UNC79: variants seen among roughly 807,000 people sequenced by gnomAD.
The protein encoded by UNC79 is unc-79 subunit of NALCN channel complex, also known as protein unc-79 homolog.
UNC79 carries 37 observed loss-of-function variants against 283.1 expected under a neutral mutation model. The observed-to-expected ratio is 0.13, with a 90% CI of 0.10 to 0.17. The LOEUF (loss-of-function observed/expected upper bound fraction) is 0.17, where lower values mean the gene tolerates loss of function less well. UNC79 is among the 10% of genes least tolerant of loss of function. The pLI is 1.00. For missense variants in UNC79, 2,272 were observed against 3,211.1 expected (o/e 0.71, Z 7.07); for synonymous variants, 1,107 against 1,200.2 (o/e 0.92, Z 1.61).
intron 1 of UNC79, among the ~76,000 whole-genome samples, chr14:93,443,886 G>C (rs2056387439): frequency 6.6e-6 from 1 of 152,154 alleles, no homozygotes; most frequent in Admixed American, 6.5e-5. Flanking sequence ...GTTGTTTTCA[G>C]TTTTGGGCCA....
chr14:93,365,446 T>C (rs2054310083), intron 1 of UNC79, among the ~76,000 whole-genome samples: 2 of 136,158 alleles, frequency 1.5e-5, no homozygotes, highest in Non-Finnish European at 3.2e-5. Flanking sequence ...TTGAGGAAAA[T>C]CAATACCATA....
chr14:93,660,533 A>ATG (rs1411859716), intron 39 of UNC79, among the ~76,000 whole-genome samples: 35 of 85,934 alleles, frequency 4.1e-4, no homozygotes, highest in Non-Finnish European at 6.2e-4. Flanking sequence ...ATATATATAT[A>ATG]TATATATATA....
chr14:93,525,041 G>A (rs1402467812), intron 8 of UNC79, among the ~76,000 whole-genome samples: 2 of 152,182 alleles, frequency 1.3e-5, no homozygotes, highest in African/African-American at 4.8e-5. Flanking sequence ...GCAGAGGAGT[G>A]CCGGTAATAA....
intron 18 of UNC79, 124 bp from the exon 19 acceptor site, chr14:93,580,025 G>C (rs2063697967): frequency 2.5e-6 from 2 of 795,592 alleles, no homozygotes; most frequent in Non-Finnish European, 2.0e-6. Flanking sequence ...CAATATTTCT[G>C]TCAGTTAGTG....
At chr14:93,702,519 G>T (rs551332472) in intron 47 of UNC79, among the ~76,000 whole-genome samples, 1 of 152,158 alleles carries the variant, frequency 6.6e-6, no homozygotes, top group South Asian at 2.1e-4. Flanking sequence ...ATTTAGCCTT[G>T]GGAACAAAAA....
At chr14:93,416,799 C>T (rs975578368) in intron 1 of UNC79, among the ~76,000 whole-genome samples, 1 of 152,082 alleles carries the variant, frequency 6.6e-6, no homozygotes, top group African/African-American at 2.4e-5. Context: ...CTCTTTTGAT[C>T]TTTGTTGGTT....
intron 1 of UNC79, among the ~76,000 whole-genome samples, chr14:93,466,372 G>A (rs779095139): frequency 2.0e-5 from 3 of 152,240 alleles, no homozygotes; most frequent in South Asian, 4.1e-4. Context: ...TCACGTTCAC[G>A]TGGACATAAT....
Position 93,688,879 on chromosome 14 carries a change from G to T in UNC79, c.7085+39G>T, listed in dbSNP as rs1158122287. On this transcript the variant is annotated intron_variant, in intron 44 of 48. Coordinates refer to ENST00000555664, the Ensembl canonical transcript of UNC79. The surrounding 1 kb of genome is among the most constrained non-coding windows in gnomAD (Gnocchi z 4.0). The stretch of plus-strand genomic sequence containing the variant: ...TATTCCGGGAATGAGGGTAAAGAAG[G>T]CAGGAGACACCCCTGAGTTTCCTCG... 7 of 1,596,908 alleles carry T rather than the reference G, an allele frequency of 4.4e-6. No homozygotes were observed. Among genetic ancestry groups the T allele is most frequent in the Non-Finnish European group, 6.0e-6 (7 of 1,170,340 alleles).
intron 47 of UNC79, among the ~76,000 whole-genome samples, chr14:93,696,487 G>A (rs1383794033): frequency 6.6e-6 from 1 of 152,200 alleles, no homozygotes; most frequent in African/African-American, 2.4e-5. Context: ...ACTTGGCATA[G>A]TCAATCTTTA....
intron 30 of UNC79, among the ~76,000 whole-genome samples, chr14:93,624,330 C>T (rs2067379442): frequency 6.6e-6 from 1 of 152,152 alleles, no homozygotes; most frequent in Non-Finnish European, 1.5e-5. Flanking sequence ...GGTCCTTGTT[C>T]ATAACAAGAA....
At chr14:93,634,430 A>G in intron 31 of UNC79, 91 bp from the exon 34 acceptor site, 1 of 920,796 alleles carries the variant, frequency 1.1e-6, no homozygotes, top group Non-Finnish European at 1.7e-6. Flanking sequence ...TAGCAAATGA[A>G]GGGTCAATTA....
intron 38 of UNC79, among the ~76,000 whole-genome samples, chr14:93,655,644 G>GAA (rs59172906): frequency 1.3e-3 from 110 of 81,704 alleles, no homozygotes; most frequent in African/African-American, 2.4e-3. Context: ...CAGTTGATTT[G>GAA]AAAAAAAAAA....
chr14:93,656,744 G>A (rs1000601155), intron 38 of UNC79, among the ~76,000 whole-genome samples: 1 of 152,178 alleles, frequency 6.6e-6, no homozygotes, highest in Non-Finnish European at 1.5e-5. Flanking sequence ...AGGCTGAGGT[G>A]GGAAGATTGC....
chr14:93,430,934 G>C lies in UNC79; in HGVS notation c.-96G>C. ...GGGAAAGCGAGGGGGTGGGGGGTGG[G>C]GGGTATGCACTCTTTTCCTCGCAAC... On this transcript the variant is annotated 5_prime_UTR_variant, in exon 1 of 49. Transcript: ENST00000555664. The surrounding 1 kb of genome is among the most constrained non-coding windows in gnomAD (Gnocchi z 4.6). The C allele has an allele frequency of 2.3e-6, 1 of 430,916 alleles. No individual in the cohort carries two copies. The highest frequency in any genetic ancestry group is 4.6e-6 in the Non-Finnish European group (1 of 218,166). 26.7% of individuals were successfully genotyped at this position (430,916 alleles called of 1,614,324 possible). A position where few individuals can be genotyped will look rare whatever the true frequency, so the allele number is the denominator to read the frequency against.
chr14:93,606,286 A>C (rs1248921496), intron 26 of UNC79, among the ~76,000 whole-genome samples: 1 of 152,222 alleles, frequency 6.6e-6, no homozygotes, highest in Non-Finnish European at 1.5e-5. Context: ...GGCCAGATGG[A>C]AAAGAGGCAG....
At chr14:93,610,665 G>T (rs561015356) in intron 26 of UNC79, among the ~76,000 whole-genome samples, 1 of 150,938 alleles carries the variant, frequency 6.6e-6, no homozygotes. Flanking sequence ...GGCTGGAGTA[G>T]AGTGGCATGA....
intron 22 of UNC79, among the ~76,000 whole-genome samples, chr14:93,587,191 A>C (rs1363731703): frequency 6.6e-6 from 1 of 152,194 alleles, no homozygotes; most frequent in Non-Finnish European, 1.5e-5. Flanking sequence ...AATATAGAAA[A>C]TATAGAAAAA....
In UNC79 at chr14:93,667,377, TAAAG is replaced by T. The variant is rs1314876802; in HGVS notation, c.6636+4666_6636+4669del. ...AAGAAAACCAGATAAAACACACTGATAAAGAATATCAGCATAACTACAGACAGAG... is the reference window on the plus strand; with the variant it reads ...AAGAAAACCAGATAAAACACACTGATAATATCAGCATAACTACAGACAGAG... On this transcript the variant is annotated intron_variant, in intron 40 of 48. Transcript: ENST00000555664. Among the ~76,000 whole-genome samples the T allele has an allele frequency of 2.6e-5, 4 of 152,258 alleles. No individual in the cohort carries two copies. The South Asian group carries it at 6.2e-4, about 24-fold the overall frequency.
chr14:93,468,706 C>T (rs913398708), intron 2 of UNC79, among the ~76,000 whole-genome samples: 5 of 152,182 alleles, frequency 3.3e-5, no homozygotes, highest in Admixed American at 2.0e-4. Flanking sequence ...AAGCTTCATG[C>T]GATCAAGTCA....
Sources: gnomAD v4.1 joint callset for allele counts (sites outside exome capture counted in the v4.1 genomes callset) on GRCh38, gnomAD v4.1.1 for gene constraint, Gnocchi (gnomAD v3.1) non-coding constraint, MANE v1.5 for transcripts, NCBI Gene and HGNC (gene_info 2026-07-23, HGNC 2026-07-21) for gene names.